PARP11: variants seen among roughly 807,000 people sequenced by gnomAD.
PARP11 encodes the protein protein mono-ADP-ribosyltransferase PARP11.
A neutral mutation model predicts 42.9 loss-of-function variants in PARP11; 31 were observed. The ratio of observed to expected loss-of-function variants is 0.72; its 90% CI spans 0.54 to 0.98. The LOEUF (loss-of-function observed/expected upper bound fraction) is 0.98, where lower values mean the gene tolerates loss of function less well. Ranked by LOEUF, PARP11 falls within the 50% of genes least tolerant of loss-of-function variation. PARP11 has a pLI of 0.00. For missense variants in PARP11, 365 were observed against 413.1 expected, an observed-to-expected ratio of 0.88 and a Z score of 1.01; for synonymous variants, 137 against 127.3, an observed-to-expected ratio of 1.08 and a Z score of -0.51.
intron 4 of PARP11, among the ~76,000 whole-genome samples, chr12:3,825,481 C>CG (rs1476134691): frequency 1.3e-5 from 2 of 152,088 alleles, no homozygotes; most frequent in Non-Finnish European, 2.9e-5. Context: ...CTAATTCTTA[C>CG]GGCCCCAGTA....
intron 2 of PARP11, 120 bp from the exon 3 acceptor site, chr12:3,829,150 C>G (rs1337968779): frequency 3.0e-6 from 3 of 994,532 alleles, no homozygotes; most frequent in Non-Finnish European, 4.5e-6. Context: ...TACTAATCAC[C>G]TGTTCTAGTT....
intron 1 of PARP11, chr12:3,839,700 T>C: frequency 1.7e-5 from 18 of 1,031,334 alleles, no homozygotes; most frequent in Non-Finnish European, 2.8e-5. Flanking sequence ...TAACTGAAAA[T>C]AATTTTCCTG....
chr12:3,830,158 T>C lies in PARP11; in HGVS notation c.19-140A>G. The C allele has an allele frequency of 4.5e-6, 3 of 664,452 alleles. No individual in the cohort carries two copies. The Admixed American group carries it at 8.7e-5, about 19-fold the overall frequency. 41.2% of individuals were successfully genotyped at this position (664,452 alleles called of 1,614,324 possible). On this transcript the variant is annotated intron_variant, in intron 1 of 7. Coordinates refer to ENST00000228820, the MANE Select transcript of PARP11 (RefSeq NM_020367.6). ...GACACTTTAAAAACAGCTTTCTATC[T>C]TTCATATTGGCTCTGAAGATAAACA...
At chr12:3,825,514 C>T (rs760198578) in intron 4 of PARP11, among the ~76,000 whole-genome samples, 41 of 152,154 alleles carry the variant, frequency 2.7e-4, no homozygotes, top group Non-Finnish European at 4.0e-4. Flanking sequence ...TGAGAGAGTA[C>T]GTCCAAGTTA....
intron 6 of PARP11, chr12:3,815,150 T>G: frequency 2.3e-6 from 1 of 430,636 alleles, no homozygotes; most frequent in Non-Finnish European, 4.7e-6. Context: ...ATTTTCATTC[T>G]TGAAACATTT....
At chr12:3,815,007 G>T in intron 6 of PARP11, 1 of 456,378 alleles carries the variant, frequency 2.2e-6, no homozygotes, top group Non-Finnish European at 4.4e-6. Flanking sequence ...ATCTCAGGAG[G>T]AAAGAAGGAG....
intron 6 of PARP11, among the ~76,000 whole-genome samples, chr12:3,817,748 T>C (rs1039204740): frequency 6.6e-6 from 1 of 152,218 alleles, no homozygotes; most frequent in Non-Finnish European, 1.5e-5. Flanking sequence ...TGCTCTGCAC[T>C]GGAGCAAGAA....
Position 3,840,666 on chromosome 12 carries a change from T to A in PARP11, c.19-10648A>T, listed in dbSNP as rs1214236121. On this transcript the variant is annotated intron_variant, in intron 1 of 7. Transcript: ENST00000228820. The surrounding 1 kb of genome is among the most constrained non-coding windows in gnomAD (Gnocchi z 4.4). ...TGTGTCCAGAGAAAATCATCACACG[T>A]AAGTGATAGAAAAGGAAGCAGGCGG... 8.3e-6 allele frequency: 10 copies of A among 1,198,928 alleles called. No homozygotes were observed. In the Admixed American group the frequency reaches 1.7e-4, roughly 20 times the overall value. The allele number at this position is 1,198,928 out of a possible 1,614,324, so 74.3% of individuals were successfully genotyped here. A position where few individuals can be genotyped will look rare whatever the true frequency, so the allele number is the denominator to read the frequency against.
At chr12:3,852,124 C>T (rs949176859) in intron 1 of PARP11, among the ~76,000 whole-genome samples, 8 of 152,184 alleles carry the variant, frequency 5.3e-5, no homozygotes, top group African/African-American at 1.7e-4. Context: ...AAAACCCCAT[C>T]TATAGGTCAC....
At position 3,811,378 on chromosome 12, in the gene PARP11, G is replaced by A. The variant is rs1285080792; in HGVS notation, c.*745C>T. The A allele has an allele frequency of 2.0e-5, 3 of 152,206 alleles. No individual in the cohort carries two copies. Among genetic ancestry groups the A allele is most frequent in the Non-Finnish European group, 2.9e-5 (2 of 68,032 alleles). The allele number at this position is 152,206 out of a possible 1,614,324, so 9.4% of individuals were successfully genotyped here. A position where few individuals can be genotyped will look rare whatever the true frequency, so the allele number is the denominator to read the frequency against. On this transcript the variant is annotated 3_prime_UTR_variant, in exon 8 of 8. Coordinates refer to ENST00000228820, the MANE Select transcript of PARP11 (RefSeq NM_020367.6). ...CAATAAACACCTTGCACAGCAAGTC[G>A]TGGTGTAAGAATCCAAGAGCCCTGA...
chr12:3,838,911 C>T (rs114109954), intron 1 of PARP11, among the ~76,000 whole-genome samples: 2,814 of 152,220 alleles, frequency 0.018, 124 homozygotes, highest in East Asian at 0.14. Context: ...TGGGGCGGGG[C>T]TTTTCTCGCT....
chr12:3,841,633 C>A, intron 1 of PARP11: 1 of 1,613,590 alleles, frequency 6.2e-7, no homozygotes, highest in South Asian at 1.1e-5. Context: ...GACCCCTGGG[C>A]AGCTTCTGCA....
chr12:3,871,153 T>A (rs1591546425), intron 1 of PARP11, among the ~76,000 whole-genome samples: 2 of 152,288 alleles, frequency 1.3e-5, no homozygotes, highest in East Asian at 3.9e-4. Context: ...ACTTTCTAAC[T>A]TATCTGGAAA....
chr12:3,841,168 T>A, intron 1 of PARP11: 1 of 1,586,322 alleles, frequency 6.3e-7, no homozygotes, highest in Non-Finnish European at 8.7e-7. Context: ...AGACCCACTC[T>A]ATCCTGGGTT....
In PARP11 at chr12:3,812,203, C is replaced by CCACA; in HGVS notation, c.933_936dup (p.Asp313CysfsTer3). 1 of 1,614,112 alleles carries CCACA rather than the reference C, an allele frequency of 6.2e-7. No homozygotes were observed. On this transcript the variant is annotated frameshift_variant, in exon 8 of 8. Coordinates refer to ENST00000228820, the MANE Select transcript of PARP11 (RefSeq NM_020367.6). LOFTEE classifies it high-confidence loss of function. ...AAGATCTTTGGGTTCCAGGTATCAT[C>CCACA]CACACAGCTGTCATATAAATTCACA...
At chr12:3,851,632 G>A (rs372942382) in intron 1 of PARP11, among the ~76,000 whole-genome samples, 156 of 152,274 alleles carry the variant, frequency 1.0e-3, no homozygotes, top group Middle Eastern at 3.4e-3. Flanking sequence ...GGAGCCCACC[G>A]CAACTCAATG....
intron 1 of PARP11, chr12:3,872,740 T>C (rs1473568120): frequency 1.0e-6 from 1 of 984,962 alleles, no homozygotes; most frequent in South Asian, 4.7e-5. Context: ...CTGAGGCAAA[T>C]GACTGACTAC....
chr12:3,870,941 A>G (rs1948466151), intron 1 of PARP11, among the ~76,000 whole-genome samples: 1 of 152,248 alleles, frequency 6.6e-6, no homozygotes, highest in African/African-American at 2.4e-5. Context: ...TATTTTTGCT[A>G]AAATCAAATA....
chr12:3,872,491 A>C, intron 1 of PARP11: 1 of 984,114 alleles, frequency 1.0e-6, no homozygotes, highest in South Asian at 4.7e-5. Context: ...ACAAAGACAC[A>C]TGAAGTCATA....
Sources: allele counts gnomAD v4.1 joint callset (sites outside exome capture counted in the v4.1 genomes callset), GRCh38; gene constraint gnomAD v4.1.1; non-coding constraint Gnocchi (gnomAD v3.1); transcripts MANE v1.5; gene names NCBI Gene and HGNC (gene_info 2026-07-23, HGNC 2026-07-21).